Variants in ARHGAP32 observed in about 807,000 individuals in gnomAD.
ARHGAP32 encodes the protein rho GTPase-activating protein 32.
Under a neutral mutation model 186.5 loss-of-function variants are expected in ARHGAP32, and 51 were observed. That is an observed-to-expected ratio of 0.27 (90% CI 0.22 to 0.35). ARHGAP32 has a LOEUF of 0.35. Ranked by LOEUF, ARHGAP32 falls within the 10% of genes least tolerant of loss-of-function variation. The pLI is 1.00. For synonymous variants in ARHGAP32, 950 were observed against 964.3 expected (o/e 0.99, Z 0.27); for missense variants, 2,186 against 2,623.5 (o/e 0.83, Z 3.64).
At chr11:129,253,113 A>C (rs1205743937) in intron 1 of ARHGAP32, among the ~76,000 whole-genome samples, 1 of 152,212 alleles carries the variant, frequency 6.6e-6, no homozygotes, top group East Asian at 1.9e-4. Flanking sequence ...ATAAAAGTAT[A>C]ACTCTACAGA....
chr11:128,999,924 A>C (rs1283682902), intron 11 of ARHGAP32, among the ~76,000 whole-genome samples: 1 of 152,246 alleles, frequency 6.6e-6, no homozygotes, highest in Admixed American at 6.5e-5. Flanking sequence ...CTTTATAATA[A>C]GTAAGACTTA....
intron 2 of ARHGAP32, among the ~76,000 whole-genome samples, chr11:129,137,050 T>C (rs1226518089): frequency 2.6e-5 from 4 of 151,858 alleles, no homozygotes; most frequent in Admixed American, 2.0e-4. Context: ...ATACACTATA[T>C]TGCATCCACA....
Position 128,972,723 on chromosome 11 carries a change from A to T in ARHGAP32, c.3783T>A (p.Pro1261=). ...TATTCTCTTCGGGGGACCCAGAAGG[A>T]GGGTAGATTTTATCGCTAGGTAAAT... is the stretch of plus-strand genomic sequence containing the variant. ...PPNLPSDKIY[P]PSGSPEENTS... is the part of the protein sequence containing the mutation. Residue 1261 remains proline (P), a synonymous_variant, in exon 22 of 23, where the codon CCT becomes CCA. Coordinates refer to ENST00000682385, the MANE Select transcript of ARHGAP32 (RefSeq NM_001378024.1). 1 of 1,613,872 alleles carries T rather than the reference A, an allele frequency of 6.2e-7. No homozygotes were observed. The highest frequency in any genetic ancestry group is 1.1e-5 in the South Asian group (1 of 91,070).
At chr11:129,205,946 A>T (rs1014675632) in intron 1 of ARHGAP32, among the ~76,000 whole-genome samples, 7 of 152,174 alleles carry the variant, frequency 4.6e-5, no homozygotes, top group Admixed American at 1.3e-4. Context: ...TATATAATAG[A>T]ATAATGAACC....
intron 2 of ARHGAP32, among the ~76,000 whole-genome samples, chr11:129,155,337 C>CT (rs1943376748): frequency 6.6e-6 from 1 of 152,288 alleles, no homozygotes; most frequent in Admixed American, 6.5e-5. Flanking sequence ...AAGAGGTGGA[C>CT]TTTGAGTGTC....
At chr11:129,017,999 T>G (rs1416700507) in intron 11 of ARHGAP32, among the ~76,000 whole-genome samples, 1 of 152,156 alleles carries the variant, frequency 6.6e-6, no homozygotes, top group Non-Finnish European at 1.5e-5. Context: ...GTAACTACTT[T>G]CTTTTCTTGC....
chr11:129,059,765 T>C (rs1940416299), intron 10 of ARHGAP32, among the ~76,000 whole-genome samples: 1 of 152,142 alleles, frequency 6.6e-6, no homozygotes, highest in Non-Finnish European at 1.5e-5. Flanking sequence ...CCCAAAGTGC[T>C]GGGATTACAG....
intron 11 of ARHGAP32, among the ~76,000 whole-genome samples, chr11:129,036,051 T>C (rs1293671622): frequency 2.0e-5 from 3 of 151,880 alleles, no homozygotes; most frequent in Admixed American, 6.6e-5. Context: ...GTTCTGGAGG[T>C]TATCCCTACT....
intron 2 of ARHGAP32, among the ~76,000 whole-genome samples, chr11:129,152,155 C>T (rs912644863): frequency 6.6e-6 from 1 of 152,102 alleles, no homozygotes; most frequent in Middle Eastern, 3.2e-3. Flanking sequence ...TACAACCCTC[C>T]TAGATTAAAC....
At chr11:128,983,387 C>A (rs1276535984) in intron 15 of ARHGAP32, among the ~76,000 whole-genome samples, 10 of 145,900 alleles carry the variant, frequency 6.9e-5, no homozygotes, top group Non-Finnish European at 1.5e-4. Flanking sequence ...GTATTTAGAT[C>A]GCAAGGACAA....
Position 129,063,952 on chromosome 11 carries a change from G to A in ARHGAP32, c.835C>T (p.His279Tyr), listed in dbSNP as rs752016766. ...CGAGCAGTGTACCTCTTGATAACAT[G>A]GGCAGCACCGACAGCAGGAGTGTTG... ...SINTPAVGAA[H>Y]VIKRYTARAP... Residue 279 changes from histidine (H) to tyrosine (Y), a missense_variant, in exon 9 of 23, where the codon CAT becomes TAT. Transcript: ENST00000682385. 6.2e-7 allele frequency: 1 copy of A among 1,612,826 alleles called. No individual in the cohort carries two copies. The highest frequency in any genetic ancestry group is 8.5e-7 in the Non-Finnish European group (1 of 1,179,272).
In ARHGAP32 at chr11:128,969,257, G is replaced by A. The variant is rs1945289386; in HGVS notation, c.5956C>T (p.His1986Tyr). Reference sequence around the variant, plus strand: ...GGTGGGACGATTGACTGAGTGAGGTGTTCTTCCTCCTTGTAGCAGTCTCTG... The same window carrying A: ...GGTGGGACGATTGACTGAGTGAGGTATTCTTCCTCCTTGTAGCAGTCTCTG... Reference protein sequence around the residue: ...HSRDCYKEEEHLTQSIVPPPK... With the variant: ...HSRDCYKEEEYLTQSIVPPPK... The change falls in exon 23 of 23, where the codon CAC becomes TAC. Residue 1986 changes from histidine to tyrosine, a missense_variant. Physicochemically the swap from His to Tyr is moderately conservative, Grantham distance 83 (BLOSUM62 2). Coordinates refer to ENST00000682385, the MANE Select transcript of ARHGAP32 (RefSeq NM_001378024.1). This position sits in a 1 kb window ranked among gnomAD's most constrained non-coding sequence, Gnocchi z 4.8. The A allele has an allele frequency of 1.2e-6, 2 of 1,614,188 alleles. No individual in the cohort carries two copies. The highest frequency in any genetic ancestry group is 1.1e-5 in the South Asian group (1 of 91,082).
At chr11:128,998,567 A>C (rs960154633) in intron 11 of ARHGAP32, 99 bp from the exon 12 acceptor site, 50 of 820,816 alleles carry the variant, frequency 6.1e-5, no homozygotes, top group Non-Finnish European at 1.1e-5. Flanking sequence ...CAGCAAAATA[A>C]TCTATTATGA....
rs1273926940 is a variant in ARHGAP32 at position 129,123,183 on chromosome 11, T to A, written c.444+263A>T. Among the ~76,000 whole-genome samples, 2 of 152,112 alleles carry A rather than the reference T, an allele frequency of 1.3e-5. No homozygotes were observed. Among genetic ancestry groups the A allele is most frequent in the African/African-American group, 4.8e-5 (2 of 41,440 alleles). The stretch of plus-strand genomic sequence containing the variant: ...ACACAAAGCCATGGACATATGGACA[T>A]GATACAGGAAAACGGAGGGGGACAG... On this transcript the variant is annotated intron_variant, in intron 5 of 22. Coordinates refer to ENST00000682385, the MANE Select transcript of ARHGAP32 (RefSeq NM_001378024.1). The surrounding 1 kb of genome is among the most constrained non-coding windows in gnomAD (Gnocchi z 4.6).
At chr11:129,099,969 G>A (rs1483301366) in intron 5 of ARHGAP32, among the ~76,000 whole-genome samples, 1 of 152,190 alleles carries the variant, frequency 6.6e-6, no homozygotes, top group Admixed American at 6.5e-5. Context: ...GATCCCAACA[G>A]CTCCCGGGGA....
At position 129,229,431 on chromosome 11, in the gene ARHGAP32, A is replaced by G. The variant is rs540581424; in HGVS notation, c.-5+49715T>C. Among the ~76,000 whole-genome samples, 31 of 152,290 alleles carry G rather than the reference A, an allele frequency of 2.0e-4. 2 individuals are homozygous for G. The East Asian group carries it at 2.3e-3, about 11-fold the overall frequency. ...TTATATTAATTAGTGAACCTTTGAA[A>G]AAACTTTTTCCCCTAATTAAACTTT... On this transcript the variant is annotated intron_variant, in intron 1 of 6. Coordinates refer to the ARHGAP32 transcript ENST00000525234.
intron 1 of ARHGAP32, among the ~76,000 whole-genome samples, chr11:129,188,018 T>TA (rs1944197793): frequency 6.6e-6 from 1 of 152,074 alleles, no homozygotes; most frequent in Non-Finnish European, 1.5e-5. Flanking sequence ...TGCAGTGCCG[T>TA]AATCTCAGCT....
chr11:129,195,729 A>G (rs536544364), upstream of ARHGAP32, among the ~76,000 whole-genome samples: 4 of 152,338 alleles, frequency 2.6e-5, no homozygotes, highest in South Asian at 8.3e-4. Flanking sequence ...AAAAAGGAAA[A>G]AAAGTTTTTA....
At chr11:129,016,281 G>A (rs1034975481) in intron 11 of ARHGAP32, among the ~76,000 whole-genome samples, 4 of 151,838 alleles carry the variant, frequency 2.6e-5, no homozygotes, top group Non-Finnish European at 4.4e-5. Flanking sequence ...AATCCTTTAC[G>A]TATTATAAAG....
Sources: allele counts gnomAD v4.1 joint callset (sites outside exome capture counted in the v4.1 genomes callset), GRCh38; gene constraint gnomAD v4.1.1; non-coding constraint Gnocchi (gnomAD v3.1); transcripts MANE v1.5; gene names NCBI Gene and HGNC (gene_info 2026-07-23, HGNC 2026-07-21).